The following C10orf71 variants were observed in gnomAD, a reference collection of about 807,000 sequenced individuals.
C10orf71 encodes the protein cardiac-enriched FHL2-interacting protein.
For synonymous variants in C10orf71, 758 were observed against 726.3 expected, an observed-to-expected ratio of 1.04 and a Z score of -0.70; for missense variants, 1,869 against 1,804.5, an observed-to-expected ratio of 1.04 and a Z score of -0.65.
chr10:49,301,363 T>A (rs1162275551), intron 1 of C10orf71, among the ~76,000 whole-genome samples: 1 of 152,254 alleles, frequency 6.6e-6, no homozygotes, highest in Non-Finnish European at 1.5e-5. Context: ...CTCAATCATA[T>A]GCTTCATTTA....
intron 2 of C10orf71, among the ~76,000 whole-genome samples, chr10:49,320,347 G>T (rs998130674): frequency 5.9e-5 from 9 of 152,118 alleles, no homozygotes; most frequent in African/African-American, 2.2e-4. Context: ...CTCCCACCAG[G>T]CTCCTGCCAG....
intron 1 of C10orf71, among the ~76,000 whole-genome samples, chr10:49,311,418 A>G (rs557449840): frequency 6.6e-6 from 1 of 152,370 alleles, no homozygotes; most frequent in Non-Finnish European, 1.5e-5. Context: ...CAAGGGCAAC[A>G]TGGACCTCTG....
At chr10:49,310,465 G>A (rs932205045) in intron 1 of C10orf71, among the ~76,000 whole-genome samples, 17 of 152,172 alleles carry the variant, frequency 1.1e-4, no homozygotes, top group African/African-American at 3.9e-4. Context: ...GTAAGGTGGT[G>A]AGCCCAGGCT....
chr10:49,324,418 A>G lies in C10orf71; in HGVS notation c.1873A>G (p.Met625Val). ...CAAGGAGGTGGAAGGAGAGTTGGAGATGGGTCCTGCCGGATCCAGCTGGTG... is the reference window on the plus strand; with the variant it reads ...CAAGGAGGTGGAAGGAGAGTTGGAGGTGGGTCCTGCCGGATCCAGCTGGTG... ...ENKEVEGELE[M>V]GPAGSSWCPD... Residue 625 changes from methionine to valine, a missense_variant, in exon 3 of 3, where the codon ATG becomes GTG. Met to Val is a conservative substitution (Grantham distance 21). Transcript: ENST00000374144. The G allele has an allele frequency of 1.9e-6, 3 of 1,611,588 alleles. No homozygotes were observed. The highest frequency in any genetic ancestry group is 2.5e-6 in the Non-Finnish European group (3 of 1,178,754).
intron 1 of C10orf71, among the ~76,000 whole-genome samples, chr10:49,303,290 A>G (rs116799049): frequency 0.014 from 2,100 of 152,284 alleles, 50 homozygotes; most frequent in African/African-American, 0.048. Flanking sequence ...CCTTCAGCAC[A>G]TGGGGTGGAT....
intron 2 of C10orf71, among the ~76,000 whole-genome samples, chr10:49,317,198 C>T (rs892392104): frequency 5.9e-5 from 9 of 152,190 alleles, no homozygotes; most frequent in African/African-American, 1.2e-4. Flanking sequence ...AAACCTGACT[C>T]ATAGTGGTCA....
In C10orf71 at chr10:49,324,177, C is replaced by A; in HGVS notation, c.1632C>A (p.Leu544=). The A allele has an allele frequency of 6.2e-7, 1 of 1,613,968 alleles. No homozygotes were observed. Among genetic ancestry groups the A allele is most frequent in the Non-Finnish European group, 8.5e-7 (1 of 1,179,882 alleles). Residue 544 remains leucine, a synonymous_variant, in exon 3 of 3, where the codon CTC becomes CTA. Transcript: ENST00000374144. ...AACCTGTGAGCAACGGTGTCATCCT[C>A]CCCAATGGGCTTGAGGAAAGCCCTC... ...KQEPVSNGVI[L]PNGLEESPPN... is the part of the protein sequence containing the mutation.
At chr10:49,316,291 T>G (rs1481889688) in intron 2 of C10orf71, 44 bp downstream of exon 2, 1 of 151,848 alleles carries the variant, frequency 6.6e-6, no homozygotes, top group African/African-American at 2.4e-5. Flanking sequence ...ACACCTTCTG[T>G]TTTTGGCCAT....
At chr10:49,307,286 G>A (rs991835968) in intron 1 of C10orf71, among the ~76,000 whole-genome samples, 2 of 152,258 alleles carry the variant, frequency 1.3e-5, no homozygotes, top group African/African-American at 4.8e-5. Flanking sequence ...TGCTTAGGGA[G>A]CATCTGGCTG....
chr10:49,325,705 G>A lies in C10orf71; in HGVS notation c.3160G>A (p.Ala1054Thr), dbSNP rs769445302. Residue 1054 changes from alanine (A) to threonine (T), a missense_variant, in exon 3 of 3, where the codon GCG (alanine) becomes ACG (threonine). Physicochemically the swap from Ala to Thr is moderately conservative, Grantham distance 58. Coordinates refer to ENST00000374144, the MANE Select transcript of C10orf71 (RefSeq NM_001135196.2). ...PGRRLVPSER[A>T]NSPNPGSPGE... Reference sequence around the variant, plus strand: ...CAGAAGACTGGTCCCCAGTGAGAGGGCGAATTCCCCCAACCCCGGCTCCCC... The same window carrying A: ...CAGAAGACTGGTCCCCAGTGAGAGGACGAATTCCCCCAACCCCGGCTCCCC... 5.2e-5 allele frequency: 80 copies of A among 1,551,640 alleles called. No homozygotes were observed. The highest frequency in any genetic ancestry group is 6.5e-5 in the Non-Finnish European group (75 of 1,146,976).
In C10orf71 at chr10:49,325,776, G is replaced by A. The variant is rs376629653; in HGVS notation, c.3231G>A (p.Glu1077=). 1.2e-3 allele frequency: 1,882 copies of A among 1,551,508 alleles called. 35 individuals carry two copies. The South Asian group carries it at 0.021, about 17-fold the overall frequency. Residue 1077 remains glutamate (E), a synonymous_variant, in exon 3 of 3, where the codon GAG becomes GAA. Transcript: ENST00000374144. ...ACSPAASNIW[E]ESSQAPGGPE... ...CCCCTGCTGCCAGCAACATTTGGGA[G>A]GAGTCTTCCCAGGCCCCTGGAGGAC...
intron 1 of C10orf71, among the ~76,000 whole-genome samples, chr10:49,303,436 C>T (rs1438251301): frequency 3.9e-5 from 6 of 152,214 alleles, no homozygotes; most frequent in African/African-American, 7.2e-5. Context: ...CTTGTTAGTA[C>T]GTCCTCCCTG....
intron 1 of C10orf71, among the ~76,000 whole-genome samples, chr10:49,303,040 C>T (rs1197123909): frequency 6.6e-6 from 1 of 152,244 alleles, no homozygotes; most frequent in Non-Finnish European, 1.5e-5. Context: ...AATACAAGAA[C>T]TGCTCTCCTC....
At chr10:49,318,027 C>T (rs1461569587) in intron 2 of C10orf71, among the ~76,000 whole-genome samples, 1 of 152,082 alleles carries the variant, frequency 6.6e-6, no homozygotes, top group Non-Finnish European at 1.5e-5. Flanking sequence ...TGTGACACCT[C>T]GATTTTGGAC....
chr10:49,309,476 C>T (rs988693293), intron 1 of C10orf71, among the ~76,000 whole-genome samples: 4 of 152,204 alleles, frequency 2.6e-5, no homozygotes, highest in Non-Finnish European at 5.9e-5. Context: ...CTTGGACTTT[C>T]CAGCCTCCAG....
Position 49,324,061 on chromosome 10 carries a change from G to T in C10orf71, c.1516G>T (p.Val506Leu), listed in dbSNP as rs181600390. The T allele has an allele frequency of 4.3e-6, 7 of 1,613,920 alleles. No individual in the cohort carries two copies. Among genetic ancestry groups the T allele is most frequent in the Middle Eastern group, 1.6e-4 (1 of 6,062 alleles). Residue 506 changes from valine to leucine, a missense_variant, in exon 3 of 3, where the codon GTG becomes TTG. Val to Leu is a conservative substitution (Grantham distance 32, BLOSUM62 1). Coordinates refer to ENST00000374144, the MANE Select transcript of C10orf71 (RefSeq NM_001135196.2). ...TAGCCTGCTGTTCAACCTCAAGGAC[G>T]TGCGGAAGCGTGTTAAGAGCACATA... ...APSLLFNLKD[V>L]RKRVKSTYSS...
intron 1 of C10orf71, among the ~76,000 whole-genome samples, chr10:49,307,927 G>C (rs528212056): frequency 1.3e-5 from 2 of 152,314 alleles, no homozygotes; most frequent in East Asian, 3.9e-4. Context: ...TCCTGGGTTA[G>C]ACCAAGCCCG....
chr10:49,299,045 A>AG (rs1234801277), upstream of C10orf71: 1 of 152,210 alleles, frequency 6.6e-6, no homozygotes, highest in African/African-American at 2.4e-5. Flanking sequence ...GGTCCGGCTA[A>AG]GCGGCAAGCA....
chr10:49,319,733 T>TATATATATAC (rs1491522089), intron 2 of C10orf71, among the ~76,000 whole-genome samples: 1 of 84,992 alleles, frequency 1.2e-5, no homozygotes, highest in African/African-American at 4.2e-5. Context: ...TATATATATA[T>TATATATATAC]ACACATACAT....
Sources: gnomAD v4.1 joint callset for allele counts (sites outside exome capture counted in the v4.1 genomes callset) on GRCh38, gnomAD v4.1.1 for gene constraint, MANE v1.5 for transcripts, NCBI Gene and HGNC (gene_info 2026-07-23, HGNC 2026-07-21) for gene names.